The following DMD variants were observed in gnomAD, a reference collection of about 807,000 sequenced individuals.
DMD encodes the protein dystrophin.
Under a neutral mutation model 330.1 loss-of-function variants are expected in DMD, and 63 were observed. The observed-to-expected ratio is 0.19, with a 90% CI of 0.16 to 0.24. The LOEUF (loss-of-function observed/expected upper bound fraction) is 0.24. Ranked by LOEUF, DMD falls within the 10% of genes least tolerant of loss-of-function variation. The pLI is 1.00. For synonymous variants in DMD, 1,223 were observed against 959.8 expected, an observed-to-expected ratio of 1.27 and a Z score of -5.07; for missense variants, 3,344 against 2,684.1, an observed-to-expected ratio of 1.25 and a Z score of -5.43.
At chrX:31,863,370 C>T (rs919850841) in intron 48 of DMD, among the ~76,000 whole-genome samples, 1 of 112,102 alleles carries the variant, frequency 8.9e-6, no homozygotes, top group African/African-American at 3.2e-5. Context: ...AAAGATTTGA[C>T]TGGATTTGTT....
At chrX:33,293,172 G>A (rs1340173544) in intron 1 of DMD, among the ~76,000 whole-genome samples, 3 of 110,912 alleles carry the variant, frequency 2.7e-5, no homozygotes, top group Non-Finnish European at 5.7e-5. Flanking sequence ...AAAACCAGGC[G>A]ATGTCTCTTT....
intron 7 of DMD, among the ~76,000 whole-genome samples, chrX:32,717,667 C>G (rs887684395): frequency 4.5e-5 from 5 of 110,930 alleles, no homozygotes; most frequent in Non-Finnish European, 9.4e-5. Flanking sequence ...CCTCCAGAGC[C>G]TAGAATGGTC....
chrX:32,078,337 G>A (rs781290332), intron 44 of DMD, among the ~76,000 whole-genome samples: 3 of 111,207 alleles, frequency 2.7e-5, no homozygotes, highest in Admixed American at 9.6e-5. Context: ...CAGTACAATC[G>A]TCCTTGTCCA....
chrX:32,261,024 T>G (rs755401265), intron 43 of DMD, among the ~76,000 whole-genome samples: 1 of 111,695 alleles, frequency 9.0e-6, no homozygotes, highest in Non-Finnish European at 1.9e-5. Flanking sequence ...AGGGGACACG[T>G]GGGACACATA....
chrX:31,687,706 T>C (rs1409431754), intron 52 of DMD, among the ~76,000 whole-genome samples: 2 of 112,298 alleles, frequency 1.8e-5, no homozygotes, highest in Non-Finnish European at 3.8e-5. Context: ...AGACAGCATC[T>C]CTGGATATGC....
chrX:33,336,460 C>A (rs2054256315), intron 1 of DMD, among the ~76,000 whole-genome samples: 1 of 110,473 alleles, frequency 9.1e-6, no homozygotes, highest in East Asian at 2.9e-4. Flanking sequence ...GAGGCAGCTA[C>A]TCTAGCTCAT....
intron 43 of DMD, among the ~76,000 whole-genome samples, chrX:32,233,921 C>T (rs1383124027): frequency 9.0e-6 from 1 of 111,107 alleles, no homozygotes; most frequent in Admixed American, 9.7e-5. Context: ...TGAGTCACCA[C>T]ACCCAGCCCG....
rs2093501037 is a variant in DMD, at chrX:33,009,146, AT to A, written c.93+10992del. 4.2e-5 allele frequency among the ~76,000 whole-genome samples: 2 copies of A among 47,369 alleles called. 1 individual carries two copies. The highest frequency in any genetic ancestry group is 7.7e-5 in the Non-Finnish European group (2 of 26,085). The allele number at this position is 47,369 out of a possible 115,157, so 41.1% of individuals were successfully genotyped here. A position where few individuals can be genotyped will look rare whatever the true frequency, so the allele number is the denominator to read the frequency against. Reference sequence around the variant, plus strand: ...TACGTATATATGTATATATATGTGTATATATACGTATATATGTATATATATG... The same window carrying A: ...TACGTATATATGTATATATATGTGTAATATACGTATATATGTATATATATG... On this transcript the variant is annotated intron_variant, in intron 2 of 78. Coordinates refer to ENST00000357033, the MANE Select transcript of DMD (RefSeq NM_004006.3).
chrX:33,336,918 G>A (rs1190241484), intron 1 of DMD, among the ~76,000 whole-genome samples: 1 of 110,992 alleles, frequency 9.0e-6, no homozygotes, highest in East Asian at 2.8e-4. Context: ...ATCAATAAGG[G>A]TTTGCCTGCT....
At chrX:31,483,818 A>G (rs2068574708) in intron 57 of DMD, among the ~76,000 whole-genome samples, 1 of 112,355 alleles carries the variant, frequency 8.9e-6, no homozygotes, top group Non-Finnish European at 1.9e-5. Context: ...AATAATTCTT[A>G]TCATGTGGGA....
chrX:32,297,240 TTTA>T (rs1195653513), intron 42 of DMD, among the ~76,000 whole-genome samples: 117 of 48,723 alleles, frequency 2.4e-3, no homozygotes, highest in African/African-American at 7.3e-3. Context: ...TCATATTTTA[TTTA>T]TTTATTTATT....
intron 1 of DMD, among the ~76,000 whole-genome samples, chrX:33,329,533 G>A (rs1378842299): frequency 1.8e-5 from 2 of 112,061 alleles, no homozygotes; most frequent in African/African-American, 3.2e-5. Flanking sequence ...GATGGAATAA[G>A]TAAATTATAG....
chrX:31,368,762 C>T (rs967455615), intron 60 of DMD, among the ~76,000 whole-genome samples: 1 of 110,216 alleles, frequency 9.1e-6, no homozygotes, highest in Non-Finnish European at 1.9e-5. Context: ...TCTCCTGTCT[C>T]AGCCTCCCAA....
rs1483711342 is a variant in DMD at position 32,864,438 on chromosome X, G to A, written c.94-14618C>T. Among the ~76,000 whole-genome samples, 40 of 112,101 alleles carry A rather than the reference G, an allele frequency of 3.6e-4. No individual in the cohort carries two copies. In the Admixed American group the frequency reaches 3.8e-3, roughly 11 times the overall value. ...GGCAAGGGTTAGGTGAGTTTTACTT[G>A]AGCCTTTACGTCATCTTTTCTACAA... On this transcript the variant is annotated intron_variant, in intron 2 of 78. Transcript: ENST00000357033.
chrX:32,537,210 G>T (rs764082145), intron 17 of DMD, among the ~76,000 whole-genome samples: 1 of 111,229 alleles, frequency 9.0e-6, no homozygotes, highest in South Asian at 3.8e-4. Context: ...CTATATTTTA[G>T]ATTCCAGTCA....
At chrX:33,247,082 G>A (rs2052676865) in intron 1 of DMD, among the ~76,000 whole-genome samples, 1 of 112,002 alleles carries the variant, frequency 8.9e-6, no homozygotes, top group South Asian at 3.7e-4. Context: ...CATTGAAAAT[G>A]AACTTTTATC....
intron 55 of DMD, among the ~76,000 whole-genome samples, chrX:31,620,051 C>T (rs757361500): frequency 6.3e-5 from 7 of 111,548 alleles, no homozygotes; most frequent in African/African-American, 2.3e-4. Context: ...TATTTCATTT[C>T]GGATTTTCTC....
At chrX:31,883,215 G>C (rs773551496) in intron 47 of DMD, among the ~76,000 whole-genome samples, 1 of 111,544 alleles carries the variant, frequency 9.0e-6, no homozygotes, top group African/African-American at 3.3e-5. Context: ...TCAAATACAA[G>C]GGCATATACT....
chrX:31,266,991 T>C lies in DMD; in HGVS notation c.9225-5975A>G. On this transcript the variant is annotated intron_variant, in intron 62 of 78. Coordinates refer to ENST00000357033, the MANE Select transcript of DMD (RefSeq NM_004006.3). ...CGCGGGCGGGCCGGGGAGGGGGCGC[T>C]GCGGGCAGACGGGGCGGGGCCGTGT... 3.6e-6 allele frequency: 3 copies of C among 827,816 alleles called. No individual in the cohort carries two copies. In the South Asian group the frequency reaches 8.7e-5, roughly 24 times the overall value. The allele number at this position is 827,816 out of a possible 1,213,427, so 68.2% of individuals were successfully genotyped here. A position where few individuals can be genotyped will look rare whatever the true frequency, so the allele number is the denominator to read the frequency against.
Sources: gnomAD v4.1 joint callset for allele counts (sites outside exome capture counted in the v4.1 genomes callset) on GRCh38, gnomAD v4.1.1 for gene constraint, MANE v1.5 for transcripts, NCBI Gene and HGNC (gene_info 2026-07-23, HGNC 2026-07-21) for gene names.